The following FYN variants were observed in gnomAD, a reference collection of about 807,000 sequenced individuals.
FYN encodes the protein FYN proto-oncogene, Src family tyrosine kinase.
Under a neutral mutation model 70.2 loss-of-function variants are expected in FYN, and 10 were observed. That is an observed-to-expected ratio of 0.14 (90% CI 0.09 to 0.24). The LOEUF (loss-of-function observed/expected upper bound fraction) is 0.24, where lower values mean the gene tolerates loss of function less well. Ranked by LOEUF, FYN falls within the 10% of genes least tolerant of loss-of-function variation. FYN has a pLI of 1.00. For synonymous variants in FYN, 236 were observed against 248.6 expected, an observed-to-expected ratio of 0.95 and a Z score of 0.48; for missense variants, 319 against 673.1, an observed-to-expected ratio of 0.47 and a Z score of 5.82.
chr6:111,750,194 C>T (rs1802421750), intron 3 of FYN, among the ~76,000 whole-genome samples: 1 of 152,180 alleles, frequency 6.6e-6, no homozygotes, highest in Admixed American at 6.5e-5. Context: ...TTATAATCCC[C>T]AACTTTGGAG....
At chr6:111,798,643 C>T (rs565553785) in intron 2 of FYN, among the ~76,000 whole-genome samples, 3 of 151,740 alleles carry the variant, frequency 2.0e-5, no homozygotes, top group East Asian at 1.9e-4. Flanking sequence ...AATTCTCCCA[C>T]CTCATCTGGG....
At chr6:111,713,360 C>A (rs1203212111) in intron 5 of FYN, among the ~76,000 whole-genome samples, 1 of 152,164 alleles carries the variant, frequency 6.6e-6, no homozygotes, top group African/African-American at 2.4e-5. Flanking sequence ...AGGAGCCTGG[C>A]TCCAAGTCCT....
At position 111,661,997 on chromosome 6, in the gene FYN, G is replaced by A; in HGVS notation, c.1406-50C>T. The A allele has an allele frequency of 6.8e-7, 1 of 1,461,128 alleles. No homozygotes were observed. Among genetic ancestry groups the A allele is most frequent in the Non-Finnish European group, 9.3e-7 (1 of 1,073,208 alleles). The allele number at this position is 1,461,128 out of a possible 1,614,324, so 90.5% of individuals were successfully genotyped here. A position where few individuals can be genotyped will look rare whatever the true frequency, so the allele number is the denominator to read the frequency against. On this transcript the variant is annotated intron_variant, in intron 13 of 13. Coordinates refer to ENST00000354650, the MANE Select transcript of FYN (RefSeq NM_002037.5). The surrounding 1 kb of genome is among the most constrained non-coding windows in gnomAD (Gnocchi z 4.0). ...TGGGCACCCCGGGGATCCAGGCCCTGACCGCCGCACTTGCAGATCCCCTTT... is the reference window on the plus strand; with the variant it reads ...TGGGCACCCCGGGGATCCAGGCCCTAACCGCCGCACTTGCAGATCCCCTTT...
At chr6:111,713,561 A>G (rs1800486585) in intron 5 of FYN, among the ~76,000 whole-genome samples, 1 of 151,718 alleles carries the variant, frequency 6.6e-6, no homozygotes, top group Admixed American at 6.6e-5. Context: ...CACTTTCTTC[A>G]GAACCTAGAT....
intron 1 of FYN, among the ~76,000 whole-genome samples, chr6:111,862,317 A>T (rs920648689): frequency 3.3e-5 from 5 of 152,182 alleles, no homozygotes; most frequent in African/African-American, 1.2e-4. Context: ...AAGATTACAA[A>T]CAAAAAATCT....
intron 3 of FYN, among the ~76,000 whole-genome samples, chr6:111,734,878 G>GC (rs1412672949): frequency 6.6e-6 from 1 of 152,200 alleles, no homozygotes; most frequent in Non-Finnish European, 1.5e-5. Flanking sequence ...CAGGCACTGT[G>GC]CTAAGGGCTG....
intron 1 of FYN, among the ~76,000 whole-genome samples, chr6:111,866,897 T>C (rs1196841069): frequency 1.3e-5 from 2 of 152,248 alleles, no homozygotes; most frequent in Non-Finnish European, 2.9e-5. Context: ...AACAGATTTC[T>C]AGACTTCTCC....
intron 3 of FYN, 91 bp from the exon 4 acceptor site, chr6:111,720,153 C>T: frequency 6.9e-7 from 1 of 1,440,702 alleles, no homozygotes. Flanking sequence ...TGACAAGGCT[C>T]ACTGTTGGCT....
intron 3 of FYN, among the ~76,000 whole-genome samples, chr6:111,771,011 G>A (rs1562514183): frequency 6.6e-6 from 1 of 152,130 alleles, no homozygotes; most frequent in Non-Finnish European, 1.5e-5. Context: ...TGTAAAATGA[G>A]AGGCAGGACC....
chr6:111,731,682 A>G (rs1801463260), intron 3 of FYN, among the ~76,000 whole-genome samples: 1 of 152,208 alleles, frequency 6.6e-6, no homozygotes, highest in Non-Finnish European at 1.5e-5. Flanking sequence ...CCAGTCAGAA[A>G]GCATAGTCTA....
rs141297696 is a variant in FYN, at chr6:111,725,944, C to T, written c.-11-5882G>A. Among the ~76,000 whole-genome samples the T allele has an allele frequency of 1.7e-3, 262 of 152,266 alleles. 2 individuals are homozygous for T. Among genetic ancestry groups the T allele is most frequent in the African/African-American group, 5.8e-3 (242 of 41,544 alleles). ...TGACCTAATCAGGTGAACCCGTGAA[C>T]GGTATGCCAGTTCCTGGAAAAGTAG... On this transcript the variant is annotated intron_variant, in intron 3 of 13. Coordinates refer to ENST00000354650, the MANE Select transcript of FYN (RefSeq NM_002037.5).
intron 3 of FYN, among the ~76,000 whole-genome samples, chr6:111,724,551 C>T (rs1583365723): frequency 6.6e-6 from 1 of 152,166 alleles, no homozygotes; most frequent in African/African-American, 2.4e-5. Context: ...CAGGTGTGTG[C>T]AGGAGCTAGG....
intron 6 of FYN, among the ~76,000 whole-genome samples, chr6:111,706,240 A>C (rs909533851): frequency 6.6e-6 from 1 of 152,196 alleles, no homozygotes; most frequent in African/African-American, 2.4e-5. Flanking sequence ...AGGTGCCCCC[A>C]AAACCCAAGG....
At chr6:111,820,379 A>G (rs191774956) in intron 2 of FYN, among the ~76,000 whole-genome samples, 2 of 152,336 alleles carry the variant, frequency 1.3e-5, no homozygotes, top group Non-Finnish European at 2.9e-5. Flanking sequence ...ACAACTAGCC[A>G]ATATTTCTCC....
At chr6:111,800,120 A>G (rs1179653497) in intron 2 of FYN, among the ~76,000 whole-genome samples, 1 of 152,202 alleles carries the variant, frequency 6.6e-6, no homozygotes, top group African/African-American at 2.4e-5. Flanking sequence ...CAGGATCAAA[A>G]TGGATTCTCT....
intron 2 of FYN, among the ~76,000 whole-genome samples, chr6:111,824,449 A>C (rs1194874806): frequency 1.3e-5 from 2 of 152,188 alleles, no homozygotes; most frequent in Non-Finnish European, 2.9e-5. Context: ...ATTTAGGAGA[A>C]AGCCTTGACA....
At chr6:111,664,231 T>A (rs1430436617) in intron 13 of FYN, among the ~76,000 whole-genome samples, 1 of 152,064 alleles carries the variant, frequency 6.6e-6, no homozygotes, top group Admixed American at 6.5e-5. Context: ...ATCTCCCTTG[T>A]CTCTGTCCCT....
chr6:111,858,742 A>G (rs1314722678), intron 1 of FYN, among the ~76,000 whole-genome samples: 1 of 152,034 alleles, frequency 6.6e-6, no homozygotes, highest in Non-Finnish European at 1.5e-5. Flanking sequence ...ATTAGGAGGA[A>G]GGGAAAGTAA....
intron 4 of FYN, among the ~76,000 whole-genome samples, chr6:111,715,662 G>A (rs1159640289): frequency 6.6e-6 from 1 of 152,108 alleles, no homozygotes; most frequent in Non-Finnish European, 1.5e-5. Context: ...CCAACAGCCA[G>A]CGAGGCACCG....
Sources: allele counts gnomAD v4.1 joint callset (sites outside exome capture counted in the v4.1 genomes callset), GRCh38; gene constraint gnomAD v4.1.1; non-coding constraint Gnocchi (gnomAD v3.1); transcripts MANE v1.5; gene names NCBI Gene and HGNC (gene_info 2026-07-23, HGNC 2026-07-21).